The following DENND4A variants were observed in gnomAD, a reference collection of about 807,000 sequenced individuals.
DENND4A encodes C-myc promoter-binding protein.
Under a neutral mutation model 199.3 loss-of-function variants are expected in DENND4A, and 70 were observed. The observed-to-expected ratio is 0.35, with a 90% confidence interval of 0.29 to 0.43. The LOEUF is 0.43. Among genes scored for constraint, DENND4A ranks in the 20% least tolerant of loss-of-function variants. The pLI, the probability that DENND4A is intolerant of heterozygous loss-of-function variation, is 1.00. For synonymous variants in DENND4A, 686 were observed against 766.9 expected, an observed-to-expected ratio of 0.89 and a Z score of 1.74; for missense variants, 1,723 against 2,255.8, an observed-to-expected ratio of 0.76 and a Z score of 4.78.
At chr15:65,768,359 A>C (rs1371312610) in intron 1 of DENND4A, among the ~76,000 whole-genome samples, 1 of 152,090 alleles carries the variant, frequency 6.6e-6, no homozygotes, top group Admixed American at 6.5e-5. Flanking sequence ...TTTAAAATAT[A>C]ACACACATAT....
In DENND4A at chr15:65,690,424, T is replaced by C; in HGVS notation, c.4170A>G (p.Thr1390=). 1 of 1,566,752 alleles carries C rather than the reference T, an allele frequency of 6.4e-7. No homozygotes were observed. Residue 1390 remains threonine, a synonymous_variant, in exon 23 of 33, where the codon ACA becomes ACG. Transcript: ENST00000443035. ...TACTAACCAAACTTACCTTAGATGATGTGGTGTACATGGTGAATCTTGAAT... is the reference window on the plus strand; with the variant it reads ...TACTAACCAAACTTACCTTAGATGACGTGGTGTACATGGTGAATCTTGAAT... ...KWYSRFTMYT[T]SSKDQSSDRT...
intron 1 of DENND4A, among the ~76,000 whole-genome samples, chr15:65,775,118 A>T (rs904175509): frequency 2.6e-5 from 4 of 152,098 alleles, no homozygotes; most frequent in Admixed American, 2.6e-4. Context: ...TACAGGAAAA[A>T]CTACCATAAA....
At chr15:65,722,047 T>C (rs2075663072) in intron 12 of DENND4A, among the ~76,000 whole-genome samples, 1 of 151,972 alleles carries the variant, frequency 6.6e-6, no homozygotes, top group Non-Finnish European at 1.5e-5. Flanking sequence ...CACAGAAAAA[T>C]AAAAAACATT....
rs2075794253 is a variant in DENND4A, at chr15:65,659,594, C to T, written c.*2257G>A. 1 of 152,146 alleles carries T rather than the reference C, an allele frequency of 6.6e-6. No individual in the cohort carries two copies. Among genetic ancestry groups the T allele is most frequent in the African/African-American group, 2.4e-5 (1 of 41,364 alleles). 9.4% of individuals were successfully genotyped at this position (152,146 alleles called of 1,614,324 possible). Reference sequence around the variant, plus strand: ...CTCAAGCAATCCTCCCTGCTTCAGCCTCCCAAAGTGCTGGGATTACAGGCC... The same window carrying T: ...CTCAAGCAATCCTCCCTGCTTCAGCTTCCCAAAGTGCTGGGATTACAGGCC... On this transcript the variant is annotated 3_prime_UTR_variant, in exon 33 of 33. Coordinates refer to ENST00000443035, the MANE Select transcript of DENND4A (RefSeq NM_001320835.1).
intron 1 of DENND4A, among the ~76,000 whole-genome samples, chr15:65,781,462 G>T (rs1337775111): frequency 1.3e-5 from 2 of 152,184 alleles, no homozygotes; most frequent in African/African-American, 4.8e-5. Context: ...GCAGAAGTTG[G>T]AACAAGGATG....
chr15:65,684,098 A>G (rs926879684), intron 23 of DENND4A, among the ~76,000 whole-genome samples: 15 of 152,246 alleles, frequency 9.9e-5, no homozygotes, highest in African/African-American at 3.4e-4. Flanking sequence ...ATTCCACTGT[A>G]TAACACATTT....
chr15:65,754,587 C>G (rs2076652853), intron 3 of DENND4A, among the ~76,000 whole-genome samples: 2 of 152,040 alleles, frequency 1.3e-5, no homozygotes, highest in African/African-American at 4.8e-5. Flanking sequence ...AAAAAGACAA[C>G]CAAATTAAAA....
intron 23 of DENND4A, among the ~76,000 whole-genome samples, chr15:65,689,355 G>A (rs531375668): frequency 1.5e-3 from 221 of 152,140 alleles, no homozygotes; most frequent in Admixed American, 2.4e-3. Context: ...CTATGTTCCT[G>A]TCTCTTGGCA....
At chr15:65,662,021 G>A in intron 32 of DENND4A, 34 bp from the exon 33 acceptor site, 2 of 1,565,920 alleles carry the variant, frequency 1.3e-6, no homozygotes, top group Non-Finnish European at 1.7e-6. Context: ...AAAGAATAAA[G>A]AAATTTAGGT....
At chr15:65,701,921 C>A in intron 17 of DENND4A, 31 bp from the exon 18 acceptor site, 1 of 1,612,336 alleles carries the variant, frequency 6.2e-7, no homozygotes, top group Non-Finnish European at 8.5e-7. Flanking sequence ...TGTACCGAAA[C>A]ACAGATGTCA....
rs552187369 is a variant in DENND4A at position 65,727,056 on chromosome 15, G to A, written c.1487+2016C>T. Among the ~76,000 whole-genome samples the A allele has an allele frequency of 9.2e-5, 14 of 152,196 alleles. No homozygotes were observed. The South Asian group carries it at 2.7e-3, about 29-fold the overall frequency. ...AAACTGGGTGTGGTGGCTCATGCCT[G>A]TAATCCCAATGCTTTGAGATGCCAA... On this transcript the variant is annotated intron_variant, in intron 11 of 32. Coordinates refer to ENST00000443035, the MANE Select transcript of DENND4A (RefSeq NM_001320835.1).
chr15:65,767,816 CAA>C (rs1391524121), intron 1 of DENND4A, among the ~76,000 whole-genome samples: 2 of 151,916 alleles, frequency 1.3e-5, no homozygotes, highest in African/African-American at 4.8e-5. Context: ...TGATAGTTTT[CAA>C]AGACATTCAG....
rs2075847334 is a variant in DENND4A, at chr15:65,661,678, C to T, written c.*173G>A. The T allele has an allele frequency of 4.3e-6, 2 of 469,656 alleles. No homozygotes were observed. Among genetic ancestry groups the T allele is most frequent in the East Asian group, 3.4e-5 (1 of 29,696 alleles). 29.1% of individuals were successfully genotyped at this position (469,656 alleles called of 1,614,324 possible). On this transcript the variant is annotated 3_prime_UTR_variant, in exon 33 of 33. Transcript: ENST00000443035. The stretch of plus-strand genomic sequence containing the variant: ...ATGAGAAACAAAGTGGCTTTCTCCC[C>T]ACTTGTCACTATTCTCTTCTTCAAA...
chr15:65,685,535 A>G (rs2076746445), intron 23 of DENND4A, among the ~76,000 whole-genome samples: 2 of 152,240 alleles, frequency 1.3e-5, no homozygotes, highest in Admixed American at 1.3e-4. Context: ...CAGTATCCAC[A>G]GGGGGTTGGT....
chr15:65,726,722 G>A (rs554044284), intron 11 of DENND4A, among the ~76,000 whole-genome samples: 18 of 152,196 alleles, frequency 1.2e-4, no homozygotes, highest in South Asian at 4.2e-4. Context: ...TTGGGAGGCC[G>A]AGGCAGGCAG....
At chr15:65,774,416 G>A (rs1394804678) in intron 1 of DENND4A, among the ~76,000 whole-genome samples, 1 of 152,208 alleles carries the variant, frequency 6.6e-6, no homozygotes, top group African/African-American at 2.4e-5. Flanking sequence ...CTTGAACCCA[G>A]GAGGTGGAGG....
intron 1 of DENND4A, chr15:65,771,488 T>A: frequency 6.2e-7 from 1 of 1,610,350 alleles, no homozygotes; most frequent in Non-Finnish European, 8.5e-7. Context: ...ATAGAAGGAA[T>A]AAGGAGGATT....
At chr15:65,781,078 T>C (rs981823627) in intron 1 of DENND4A, among the ~76,000 whole-genome samples, 3 of 152,022 alleles carry the variant, frequency 2.0e-5, no homozygotes, top group Non-Finnish European at 2.9e-5. Context: ...GTAAAGGAGT[T>C]AGGTAGGCAA....
chr15:65,689,944 C>G (rs1483999588), intron 23 of DENND4A, among the ~76,000 whole-genome samples: 1 of 152,182 alleles, frequency 6.6e-6, no homozygotes, highest in Non-Finnish European at 1.5e-5. Flanking sequence ...TTTCTAGTTA[C>G]TTCAGCAGTT....
Sources: allele counts gnomAD v4.1 joint callset (sites outside exome capture counted in the v4.1 genomes callset), GRCh38; gene constraint gnomAD v4.1.1; transcripts MANE v1.5; gene names NCBI Gene and HGNC (gene_info 2026-07-23, HGNC 2026-07-21).